PTPRK: variants seen among roughly 807,000 people sequenced by gnomAD.
PTPRK encodes the protein receptor-type tyrosine-protein phosphatase kappa.
Under a neutral mutation model 178.0 loss-of-function variants are expected in PTPRK, and 75 were observed. The observed-to-expected ratio is 0.42, with a 90% CI of 0.35 to 0.51. PTPRK has a LOEUF of 0.51. PTPRK is among the 20% of genes least tolerant of loss of function. The pLI, the probability that PTPRK is intolerant of heterozygous loss-of-function variation, is 0.02. For missense variants in PTPRK, 1,441 were observed against 1,797.8 expected, an observed-to-expected ratio of 0.80 and a Z score of 3.59; for synonymous variants, 637 against 620.6, an observed-to-expected ratio of 1.03 and a Z score of -0.39.
At chr6:128,429,679 A>G (rs1380994154) in intron 1 of PTPRK, among the ~76,000 whole-genome samples, 3 of 150,754 alleles carry the variant, frequency 2.0e-5, no homozygotes, top group Admixed American at 2.0e-4. Flanking sequence ...ATGAGAGCAG[A>G]GAAATGTTTT....
At chr6:128,363,659 T>G (rs1021076012) in intron 2 of PTPRK, among the ~76,000 whole-genome samples, 3 of 152,130 alleles carry the variant, frequency 2.0e-5, no homozygotes, top group African/African-American at 7.2e-5. Context: ...ATCATTTCTC[T>G]TTCATCTGGG....
At chr6:128,396,330 AATG>A (rs1251970058) in intron 2 of PTPRK, among the ~76,000 whole-genome samples, 1 of 148,528 alleles carries the variant, frequency 6.7e-6, no homozygotes, top group Admixed American at 6.7e-5. Flanking sequence ...ATAATAGCAT[AATG>A]ATAATATATT....
intron 3 of PTPRK, among the ~76,000 whole-genome samples, chr6:128,292,189 T>C (rs1174315313): frequency 2.0e-5 from 3 of 152,188 alleles, no homozygotes; most frequent in South Asian, 2.1e-4. Flanking sequence ...ATTTTGCTCA[T>C]AGAAAAATAA....
intron 1 of PTPRK, among the ~76,000 whole-genome samples, chr6:128,426,754 A>G (rs754387785): frequency 6.6e-6 from 1 of 152,248 alleles, no homozygotes; most frequent in Non-Finnish European, 1.5e-5. Flanking sequence ...AAGTGAAACA[A>G]AAACATTTGT....
intron 7 of PTPRK, among the ~76,000 whole-genome samples, chr6:128,110,892 A>G (rs945411463): frequency 1.3e-5 from 2 of 152,132 alleles, no homozygotes; most frequent in Non-Finnish European, 2.9e-5. Context: ...CACAAATGCT[A>G]TTTAAGACCA....
intron 5 of PTPRK, among the ~76,000 whole-genome samples, chr6:128,226,202 A>G (rs192658777): frequency 6.6e-5 from 10 of 152,314 alleles, no homozygotes; most frequent in Admixed American, 5.9e-4. Flanking sequence ...CTTTTCATCT[A>G]ACATTGGGTA....
intron 3 of PTPRK, among the ~76,000 whole-genome samples, chr6:128,253,711 G>A (rs994489328): frequency 1.3e-5 from 2 of 152,146 alleles, no homozygotes; most frequent in African/African-American, 4.8e-5. Flanking sequence ...AACTAACACA[G>A]TAAGTCTGTT....
chr6:128,520,145 C>T (rs1049744272), intron 1 of PTPRK, 114 bp downstream of exon 1: 7 of 936,450 alleles, frequency 7.5e-6, no homozygotes, highest in African/African-American at 3.3e-5. Flanking sequence ...TTCCCCACCC[C>T]CGGACAGAGA....
intron 6 of PTPRK, among the ~76,000 whole-genome samples, chr6:128,202,938 C>A (rs1562783270): frequency 6.6e-6 from 1 of 152,044 alleles, no homozygotes; most frequent in African/African-American, 2.4e-5. Context: ...CAAAACTTGA[C>A]AGAGATACAA....
At chr6:128,287,983 A>AT (rs1476698048) in intron 3 of PTPRK, among the ~76,000 whole-genome samples, 1 of 151,944 alleles carries the variant, frequency 6.6e-6, no homozygotes, top group Admixed American at 6.6e-5. Context: ...CCTACTTTCT[A>AT]TTTTTTATCA....
intron 3 of PTPRK, among the ~76,000 whole-genome samples, chr6:128,291,325 T>C (rs74841348): frequency 1.3e-5 from 2 of 152,176 alleles, no homozygotes; most frequent in Non-Finnish European, 2.9e-5. Flanking sequence ...CTGGAGCCTC[T>C]AAAAGGGAAC....
intron 7 of PTPRK, among the ~76,000 whole-genome samples, chr6:128,146,930 C>T (rs962025554): frequency 6.6e-6 from 1 of 152,114 alleles, no homozygotes; most frequent in Non-Finnish European, 1.5e-5. Context: ...CATATAATTG[C>T]TTCACTTAGA....
intron 7 of PTPRK, among the ~76,000 whole-genome samples, chr6:128,094,875 A>T (rs1180321989): frequency 2.0e-5 from 3 of 152,084 alleles, no homozygotes; most frequent in Non-Finnish European, 4.4e-5. Context: ...GAAGAAGAAA[A>T]AGGAGAGGGC....
At chr6:128,390,401 G>A (rs2128363493) in intron 2 of PTPRK, among the ~76,000 whole-genome samples, 1 of 152,220 alleles carries the variant, frequency 6.6e-6, no homozygotes, top group African/African-American at 2.4e-5. Context: ...AAGCTTGGCA[G>A]CAATTCCAAA....
At chr6:128,409,333 C>T (rs1287740136) in intron 1 of PTPRK, 1 of 454,750 alleles carries the variant, frequency 2.2e-6, no homozygotes, top group Non-Finnish European at 4.4e-6. Context: ...CAGGCCTTTT[C>T]TGAAGATAAA....
intron 21 of PTPRK, among the ~76,000 whole-genome samples, chr6:127,987,826 G>A (rs959625883): frequency 2.0e-5 from 3 of 151,982 alleles, no homozygotes; most frequent in African/African-American, 4.8e-5. Context: ...ATGAATAGTC[G>A]TTAGTTCTTC....
chr6:128,295,549 G>A lies in PTPRK; in HGVS notation c.495+26490C>T, dbSNP rs975019819. Among the ~76,000 whole-genome samples the A allele has an allele frequency of 2.6e-5, 4 of 152,072 alleles. No individual in the cohort carries two copies. In the East Asian group the frequency reaches 5.8e-4, roughly 22 times the overall value. On this transcript the variant is annotated intron_variant, in intron 3 of 29. Coordinates refer to ENST00000368226, the MANE Select transcript of PTPRK (RefSeq NM_002844.4). ...AAAGATGCAGCAATGTCATTTAAGT[G>A]GGGGAAACTGAGCCTAGCTTGGTAC...
intron 24 of PTPRK, among the ~76,000 whole-genome samples, chr6:127,982,318 G>A (rs762178909): frequency 7.9e-5 from 12 of 151,880 alleles, no homozygotes; most frequent in Non-Finnish European, 1.8e-4. Context: ...TGTTGCCCAT[G>A]CTGGAGTGCA....
chr6:128,219,332 A>G (rs1809970404), intron 5 of PTPRK, among the ~76,000 whole-genome samples: 1 of 152,178 alleles, frequency 6.6e-6, no homozygotes, highest in South Asian at 2.1e-4. Context: ...CTATGGAACA[A>G]TGAGGGGATG....
Sources: gnomAD v4.1 joint callset for allele counts (sites outside exome capture counted in the v4.1 genomes callset) on GRCh38, gnomAD v4.1.1 for gene constraint, MANE v1.5 for transcripts, NCBI Gene and HGNC (gene_info 2026-07-23, HGNC 2026-07-21) for gene names.